Variants in CBFA2T3 observed in about 807,000 individuals in gnomAD.
CBFA2T3 encodes the protein CBFA2/RUNX1 partner transcriptional co-repressor 3.
A neutral mutation model predicts 58.6 loss-of-function variants in CBFA2T3; 31 were observed. That is an observed-to-expected ratio of 0.53 (90% confidence interval 0.40 to 0.71). The LOEUF (loss-of-function observed/expected upper bound fraction) is 0.71. Ranked by LOEUF, CBFA2T3 falls within the 30% of genes least tolerant of loss-of-function variation. CBFA2T3 has a pLI of 0.00. For missense variants in CBFA2T3, 1,076 were observed against 963.1 expected (o/e 1.12, Z -1.55); for synonymous variants, 531 against 421.9 (o/e 1.26, Z -3.17).
At chr16:88,966,352 G>A (rs1371120592) in intron 1 of CBFA2T3, among the ~76,000 whole-genome samples, 5 of 152,150 alleles carry the variant, frequency 3.3e-5, no homozygotes, top group Non-Finnish European at 7.4e-5. Flanking sequence ...GGGGGTGGCA[G>A]CCCCTGTGAG....
In CBFA2T3 at chr16:88,898,893, C is replaced by T. The variant is rs1054783446; in HGVS notation, c.305-741G>A. Among the ~76,000 whole-genome samples, 4 of 152,196 alleles carry T rather than the reference C, an allele frequency of 2.6e-5. No individual in the cohort carries two copies. The East Asian group carries it at 5.8e-4, about 22-fold the overall frequency. On this transcript the variant is annotated intron_variant, in intron 2 of 11. Transcript: ENST00000268679. ...AAAAGAAAGAAAGATTGAATTTGTTCGAGCTGAAGTCAGTGGCGCAGGCCA... is the reference window on the plus strand; with the variant it reads ...AAAAGAAAGAAAGATTGAATTTGTTTGAGCTGAAGTCAGTGGCGCAGGCCA...
intron 1 of CBFA2T3, chr16:88,950,187 T>G (rs1008381860): frequency 2.4e-6 from 1 of 413,720 alleles, no homozygotes; most frequent in Admixed American, 2.5e-5. Context: ...AGGAACCACA[T>G]CGGTCTGTTC....
chr16:88,875,658 G>T lies in CBFA2T3; in HGVS notation c.*1318C>A. 4.3e-6 allele frequency: 1 copy of T among 233,810 alleles called. No individual in the cohort carries two copies. Among genetic ancestry groups the T allele is most frequent in the South Asian group, 1.8e-4 (1 of 5,564 alleles). 14.5% of individuals were successfully genotyped at this position (233,810 alleles called of 1,614,324 possible). A position where few individuals can be genotyped will look rare whatever the true frequency, so the allele number is the denominator to read the frequency against. ...GAGAGAGGTCGGAGGGCGCGGAGAG[G>T]AGAGAGGTAGAGGAGGACGGGCTGG... On this transcript the variant is annotated 3_prime_UTR_variant, in exon 12 of 12. Transcript: ENST00000268679.
At chr16:88,929,334 G>A (rs1046482653) in intron 1 of CBFA2T3, among the ~76,000 whole-genome samples, 1 of 152,222 alleles carries the variant, frequency 6.6e-6, no homozygotes, top group African/African-American at 2.4e-5. Context: ...GGCGTGGTGA[G>A]GGCTGCTCCC....
chr16:88,919,756 G>A (rs1322804875), intron 1 of CBFA2T3, among the ~76,000 whole-genome samples: 1 of 152,188 alleles, frequency 6.6e-6, no homozygotes, highest in Non-Finnish European at 1.5e-5. Flanking sequence ...GTGCCTACAA[G>A]AGGAACTGTT....
intron 1 of CBFA2T3, among the ~76,000 whole-genome samples, chr16:88,956,956 G>A (rs1972234407): frequency 6.6e-6 from 1 of 151,660 alleles, no homozygotes; most frequent in Non-Finnish European, 1.5e-5. Flanking sequence ...CTGAACCACA[G>A]AAGAAGTGGC....
Position 88,881,578 on chromosome 16 carries a change from A to G in CBFA2T3, c.1204-89T>C, listed in dbSNP as rs572508410. 2.9e-6 allele frequency: 4 copies of G among 1,373,466 alleles called. No individual in the cohort carries two copies. The East Asian group carries it at 9.4e-5, about 32-fold the overall frequency. The allele number at this position is 1,373,466 out of a possible 1,614,324, so 85.1% of individuals were successfully genotyped here. On this transcript the variant is annotated intron_variant, in intron 8 of 11. Coordinates refer to ENST00000268679, the MANE Select transcript of CBFA2T3 (RefSeq NM_005187.6). ...AGCCCACTCGGCCAGAGCCCCGGAC[A>G]GGATGGGTGCCCGACCAGCCCACCG...
At chr16:88,968,897 C>T (rs74033228) in intron 1 of CBFA2T3, among the ~76,000 whole-genome samples, 1 of 151,230 alleles carries the variant, frequency 6.6e-6, no homozygotes, top group South Asian at 2.1e-4. Context: ...CCATGTGACC[C>T]CCATGGACCA....
At chr16:88,964,629 C>T (rs758417827) in intron 1 of CBFA2T3, among the ~76,000 whole-genome samples, 33 of 152,298 alleles carry the variant, frequency 2.2e-4, no homozygotes, top group Non-Finnish European at 4.1e-4. Context: ...TTCACACATG[C>T]TTACTGTATG....
chr16:88,883,117 TG>T (rs1196899422), intron 7 of CBFA2T3, among the ~76,000 whole-genome samples: 2 of 152,188 alleles, frequency 1.3e-5, no homozygotes, highest in Non-Finnish European at 2.9e-5. Flanking sequence ...CGAGGCTGGC[TG>T]GAGCTGGAGC....
At chr16:88,910,008 G>A (rs1970478288) in intron 1 of CBFA2T3, among the ~76,000 whole-genome samples, 1 of 152,218 alleles carries the variant, frequency 6.6e-6, no homozygotes, top group African/African-American at 2.4e-5. Flanking sequence ...CGGCTCCCCA[G>A]CTGCTTGGCC....
At chr16:88,940,938 T>C (rs982002542) in intron 1 of CBFA2T3, 4 of 722,776 alleles carry the variant, frequency 5.5e-6, no homozygotes, top group Admixed American at 6.3e-5. Flanking sequence ...TCGGCGCGGC[T>C]GCGGCGCAGA....
intron 1 of CBFA2T3, among the ~76,000 whole-genome samples, chr16:88,964,635 G>C (rs973047972): frequency 6.6e-6 from 1 of 152,144 alleles, no homozygotes; most frequent in Non-Finnish European, 1.5e-5. Flanking sequence ...CATGCTTACT[G>C]TATGTGTGTA....
chr16:88,973,192 C>T (rs1397396530), intron 1 of CBFA2T3, among the ~76,000 whole-genome samples: 2 of 152,250 alleles, frequency 1.3e-5, no homozygotes, highest in African/African-American at 4.8e-5. Flanking sequence ...TCCAGTGCCT[C>T]CCTGTGTCCC....
chr16:88,942,959 T>C (rs527567646), intron 1 of CBFA2T3, among the ~76,000 whole-genome samples: 1 of 152,228 alleles, frequency 6.6e-6, no homozygotes, highest in South Asian at 2.1e-4. Context: ...ATGCGGTGGG[T>C]GTGTTGCCTA....
intron 1 of CBFA2T3, among the ~76,000 whole-genome samples, chr16:88,932,947 C>T (rs922013086): frequency 6.6e-6 from 1 of 151,610 alleles, no homozygotes; most frequent in African/African-American, 2.4e-5. Flanking sequence ...CCAGCCTGGG[C>T]GACAGAGTGA....
intron 1 of CBFA2T3, among the ~76,000 whole-genome samples, chr16:88,959,364 G>C (rs1346129645): frequency 5.9e-5 from 9 of 152,128 alleles, no homozygotes; most frequent in Admixed American, 5.9e-4. Flanking sequence ...GATGATGGTG[G>C]GCTCCCAGGA....
At chr16:88,884,477 G>C (rs1347865312) in intron 7 of CBFA2T3, 1 of 152,380 alleles carries the variant, frequency 6.6e-6, no homozygotes, top group East Asian at 1.9e-4. Context: ...CTCCTCATCT[G>C]TGGTATGGGG....
At chr16:88,902,759 T>A (rs1970149458) in intron 1 of CBFA2T3, among the ~76,000 whole-genome samples, 1 of 152,192 alleles carries the variant, frequency 6.6e-6, no homozygotes, top group African/African-American at 2.4e-5. Flanking sequence ...TGGCTGAGAC[T>A]TCGGGGGCCT....
Sources: allele counts gnomAD v4.1 joint callset (sites outside exome capture counted in the v4.1 genomes callset), GRCh38; gene constraint gnomAD v4.1.1; transcripts MANE v1.5; gene names NCBI Gene and HGNC (gene_info 2026-07-23, HGNC 2026-07-21).